CNNM2: variants seen among roughly 807,000 people sequenced by gnomAD.
CNNM2 encodes metal transporter CNNM2.
CNNM2 carries 12 observed loss-of-function variants against 66.9 expected under a neutral mutation model. The observed-to-expected ratio is 0.18, with a 90% confidence interval of 0.11 to 0.29. The LOEUF is 0.29. Ranked by LOEUF, CNNM2 falls within the 10% of genes least tolerant of loss-of-function variation. The probability of loss-of-function intolerance (pLI) is 1.00; values close to 1 mark genes in which losing one functional copy is unlikely to be tolerated. For synonymous variants in CNNM2, 557 were observed against 501.8 expected, an observed-to-expected ratio of 1.11 and a Z score of -1.47; for missense variants, 705 against 1,167.7, an observed-to-expected ratio of 0.60 and a Z score of 5.77.
chr10:102,954,870 A>G (rs1403615243), intron 1 of CNNM2, among the ~76,000 whole-genome samples: 3 of 152,174 alleles, frequency 2.0e-5, no homozygotes, highest in African/African-American at 7.2e-5. Flanking sequence ...CCACTGCTCA[A>G]TGAAATAAAA....
At chr10:102,966,169 T>C (rs965594559) in intron 1 of CNNM2, among the ~76,000 whole-genome samples, 4 of 152,228 alleles carry the variant, frequency 2.6e-5, no homozygotes, top group Non-Finnish European at 5.9e-5. Context: ...CTTGTATGAT[T>C]AAACTGGAAA....
Position 102,919,350 on chromosome 10 carries a change from G to A in CNNM2, c.870G>A (p.Val290=), listed in dbSNP as rs778251364. 2 of 1,613,284 alleles carry A rather than the reference G, an allele frequency of 1.2e-6. No individual in the cohort carries two copies. The highest frequency in any genetic ancestry group is 1.3e-5 in the African/African-American group (1 of 75,072). Residue 290 remains valine, a synonymous_variant, in exon 1 of 8, where the codon GTG becomes GTA. Coordinates refer to ENST00000369878, the MANE Select transcript of CNNM2 (RefSeq NM_017649.5). The part of the protein sequence containing the change: ...MALDPMELRI[V]QNCGTEKEKN... ...TGGACCCGATGGAGCTGCGCATCGT[G>A]CAGAACTGCGGCACGGAGAAGGAGA...
intron 1 of CNNM2, among the ~76,000 whole-genome samples, chr10:102,961,809 C>T (rs1410131934): frequency 6.6e-6 from 1 of 151,778 alleles, no homozygotes; most frequent in Non-Finnish European, 1.5e-5. Context: ...ACCTGTAATC[C>T]CAGCAGTTTG....
intron 1 of CNNM2, among the ~76,000 whole-genome samples, chr10:102,941,104 C>T (rs1322263861): frequency 1.3e-5 from 2 of 152,088 alleles, no homozygotes; most frequent in African/African-American, 4.8e-5. Context: ...ATGAATCAGT[C>T]TATTTTGATT....
chr10:102,937,149 TC>T (rs1337488965), intron 1 of CNNM2, among the ~76,000 whole-genome samples: 1 of 152,240 alleles, frequency 6.6e-6, no homozygotes, highest in East Asian at 1.9e-4. Flanking sequence ...ACATTTGTTT[TC>T]AAAACATGTT....
intron 1 of CNNM2, chr10:102,927,402 G>A (rs1187925910): frequency 2.5e-6 from 4 of 1,613,592 alleles, no homozygotes; most frequent in East Asian, 4.5e-5. Context: ...ACAATAAGAA[G>A]CATTCTTTCT....
At chr10:102,993,282 A>G (rs1202786860) in intron 1 of CNNM2, among the ~76,000 whole-genome samples, 1 of 152,162 alleles carries the variant, frequency 6.6e-6, no homozygotes, top group Non-Finnish European at 1.5e-5. Flanking sequence ...TAGATTATTG[A>G]TCTAGTTTGG....
chr10:103,010,193 A>G (rs1317220996), intron 1 of CNNM2, among the ~76,000 whole-genome samples: 3 of 152,144 alleles, frequency 2.0e-5, no homozygotes, highest in African/African-American at 7.2e-5. Flanking sequence ...CAAGAGGAAA[A>G]TGTACATTGC....
At chr10:102,928,040 A>G (rs999701621) in intron 1 of CNNM2, among the ~76,000 whole-genome samples, 12 of 152,106 alleles carry the variant, frequency 7.9e-5, no homozygotes, top group Admixed American at 3.9e-4. Flanking sequence ...CTCTTCCTGG[A>G]TCTGTTTTGG....
At chr10:102,921,161 C>A in intron 1 of CNNM2, 1 of 492,734 alleles carries the variant, frequency 2.0e-6, no homozygotes, top group Non-Finnish European at 2.6e-6. Flanking sequence ...TGAATGTTTC[C>A]AGTAAATAGT....
intron 1 of CNNM2, among the ~76,000 whole-genome samples, chr10:103,028,814 C>CTTTTTTTTTTTTCTTTTTTTTTTT (rs2064759605): frequency 7.9e-6 from 1 of 126,182 alleles, no homozygotes; most frequent in African/African-American, 3.0e-5. Context: ...TTTTCTTTTT[C>CTTTTTTTTTTTTCTTTTTTTTTTT]TTTTTTTTTT....
At chr10:103,058,867 A>G (rs930551984) in intron 4 of CNNM2, among the ~76,000 whole-genome samples, 6 of 152,262 alleles carry the variant, frequency 3.9e-5, no homozygotes. Context: ...AGCTGCCATC[A>G]TTAACAAAGC....
At chr10:102,988,127 C>T (rs539811648) in intron 1 of CNNM2, among the ~76,000 whole-genome samples, 4 of 152,026 alleles carry the variant, frequency 2.6e-5, no homozygotes, top group East Asian at 1.9e-4. Flanking sequence ...GGTGAAACCC[C>T]GTCTCTATTA....
At chr10:103,023,505 G>C (rs1425454609) in intron 1 of CNNM2, among the ~76,000 whole-genome samples, 1 of 152,132 alleles carries the variant, frequency 6.6e-6, no homozygotes, top group Non-Finnish European at 1.5e-5. Context: ...CCGAGATCGT[G>C]CCATTGCACT....
At chr10:102,936,406 C>T (rs750858557) in intron 1 of CNNM2, among the ~76,000 whole-genome samples, 65 of 151,942 alleles carry the variant, frequency 4.3e-4, no homozygotes, top group Non-Finnish European at 8.2e-4. Flanking sequence ...GATAACTAAG[C>T]AGAGAAAAAA....
chr10:103,066,254 G>T (rs1213016358), intron 4 of CNNM2, among the ~76,000 whole-genome samples: 2 of 152,016 alleles, frequency 1.3e-5, no homozygotes, highest in African/African-American at 4.8e-5. Flanking sequence ...CTGAGCTTCG[G>T]TCCTTTTCCT....
At chr10:102,955,806 A>G (rs1847012834) in intron 1 of CNNM2, among the ~76,000 whole-genome samples, 1 of 152,270 alleles carries the variant, frequency 6.6e-6, no homozygotes, top group African/African-American at 2.4e-5. Context: ...AGAGAAATGC[A>G]AATCAAAACC....
chr10:102,949,558 C>T (rs1846750099), intron 1 of CNNM2, among the ~76,000 whole-genome samples: 1 of 151,730 alleles, frequency 6.6e-6, no homozygotes, highest in South Asian at 2.1e-4. Context: ...CCGAGACAGG[C>T]AGATCACTTG....
rs1374527335 is a variant in CNNM2 at position 103,087,823 on chromosome 10, A to AATGT, written c.*10652_*10655dup. The AATGT allele has an allele frequency of 6.6e-6, 1 of 152,214 alleles. No individual in the cohort carries two copies. Among genetic ancestry groups the AATGT allele is most frequent in the African/African-American group, 2.4e-5 (1 of 41,450 alleles). 9.4% of individuals were successfully genotyped at this position (152,214 alleles called of 1,614,324 possible). On this transcript the variant is annotated 3_prime_UTR_variant, in exon 8 of 8. Coordinates refer to ENST00000369878, the MANE Select transcript of CNNM2 (RefSeq NM_017649.5). ...TATATTCCCAATATATACCATTTAG[A>AATGT]ATGTATGTATGTTTCTTGGATGACT...
Sources: allele counts gnomAD v4.1 joint callset (sites outside exome capture counted in the v4.1 genomes callset), GRCh38; gene constraint gnomAD v4.1.1; transcripts MANE v1.5; gene names NCBI Gene and HGNC (gene_info 2026-07-23, HGNC 2026-07-21).